The following MYO18B variants were observed in gnomAD, a reference collection of about 807,000 sequenced individuals.
MYO18B encodes the protein unconventional myosin-XVIIIb.
MYO18B carries 204 observed loss-of-function variants against 273.0 expected under a neutral mutation model. The observed-to-expected ratio is 0.75, with a 90% CI of 0.67 to 0.84. MYO18B has a LOEUF of 0.84. Ranked by LOEUF, MYO18B falls within the 40% of genes least tolerant of loss-of-function variation. MYO18B has a pLI of 0.00. For synonymous variants in MYO18B, 1,330 were observed against 1,305.7 expected, an observed-to-expected ratio of 1.02 and a Z score of -0.40; for missense variants, 3,212 against 3,287.6, an observed-to-expected ratio of 0.98 and a Z score of 0.56.
chr22:26,003,755 A>G (rs1192094077), intron 41 of MYO18B, among the ~76,000 whole-genome samples: 1 of 152,168 alleles, frequency 6.6e-6, no homozygotes, highest in Non-Finnish European at 1.5e-5. Context: ...CCTTCAAAGA[A>G]GATGTAGCTC....
chr22:25,775,728 G>A (rs536605289), intron 7 of MYO18B, among the ~76,000 whole-genome samples: 38 of 152,014 alleles, frequency 2.5e-4, no homozygotes, highest in Non-Finnish European at 5.6e-4. Flanking sequence ...TCCCTGACCT[G>A]TCCCTGTCAG....
intron 10 of MYO18B, among the ~76,000 whole-genome samples, chr22:25,782,521 G>A (rs990720179): frequency 5.3e-5 from 8 of 152,198 alleles, no homozygotes; most frequent in Non-Finnish European, 8.8e-5. Flanking sequence ...AATCTACAGG[G>A]CATCCTTAGG....
chr22:25,787,941 T>C (rs1199245918), intron 11 of MYO18B, among the ~76,000 whole-genome samples: 1 of 152,188 alleles, frequency 6.6e-6, no homozygotes, highest in Non-Finnish European at 1.5e-5. Flanking sequence ...TAGTTGTTTA[T>C]TTTCCTACTG....
intron 12 of MYO18B, among the ~76,000 whole-genome samples, chr22:25,801,821 C>T (rs550426902): frequency 5.9e-5 from 9 of 152,260 alleles, no homozygotes; most frequent in East Asian, 1.9e-4. Flanking sequence ...GAAACTGATG[C>T]GCAGCAGAGA....
Position 25,950,365 on chromosome 22 carries a change from A to G in MYO18B, c.5749-2A>G, listed in dbSNP as rs1601663811. ...TATACATTTTTTTTTTTGTCTCACC[A>G]GTCTGCTGCTGACATTGGGCAGATC... On this transcript the variant is annotated splice_acceptor_variant, in intron 36 of 43. Transcript: ENST00000335473. LOFTEE classifies it high-confidence loss of function. 1 of 1,592,882 alleles carries G rather than the reference A, an allele frequency of 6.3e-7. No homozygotes were observed. Among genetic ancestry groups the G allele is most frequent in the Non-Finnish European group, 8.5e-7 (1 of 1,169,858 alleles).
chr22:25,980,092 G>GT (rs1461284397), intron 39 of MYO18B, among the ~76,000 whole-genome samples: 5 of 152,136 alleles, frequency 3.3e-5, no homozygotes, highest in Admixed American at 2.0e-4. Context: ...CCAGGTTGTA[G>GT]TTTTTTCTCT....
At chr22:25,754,680 G>T (rs1007924494) in intron 1 of MYO18B, among the ~76,000 whole-genome samples, 1 of 152,178 alleles carries the variant, frequency 6.6e-6, no homozygotes, top group African/African-American at 2.4e-5. Flanking sequence ...TTTTGGGCCC[G>T]GACCGGAGTA....
intron 17 of MYO18B, among the ~76,000 whole-genome samples, chr22:25,843,191 C>G (rs1055549795): frequency 6.6e-6 from 1 of 152,116 alleles, no homozygotes; most frequent in African/African-American, 2.4e-5. Context: ...TTTTCTCCCA[C>G]CCTGTCTCTT....
At chr22:25,859,778 T>A (rs1213220046) in intron 21 of MYO18B, among the ~76,000 whole-genome samples, 1 of 152,250 alleles carries the variant, frequency 6.6e-6, no homozygotes, top group Admixed American at 6.5e-5. Context: ...CAGATGTATC[T>A]TTGAAAATAT....
At chr22:26,026,389 C>T in intron 42 of MYO18B, 56 bp from the exon 43 acceptor site, 1 of 1,545,628 alleles carries the variant, frequency 6.5e-7, no homozygotes, top group Non-Finnish European at 8.7e-7. Context: ...ACACCGATTG[C>T]ACAAATTGTA....
chr22:25,810,252 C>T (rs1383345353), intron 12 of MYO18B, among the ~76,000 whole-genome samples: 1 of 150,850 alleles, frequency 6.6e-6, no homozygotes, highest in Non-Finnish European at 1.5e-5. Context: ...CGCCCACCAC[C>T]ATGCCCAGAT....
chr22:25,910,364 A>G lies in MYO18B; in HGVS notation c.5260-582A>G, dbSNP rs536672629. 1.2e-4 allele frequency among the ~76,000 whole-genome samples: 19 copies of G among 152,224 alleles called. No individual in the cohort carries two copies. In the East Asian group the frequency reaches 3.5e-3, roughly 28 times the overall value. On this transcript the variant is annotated intron_variant, in intron 32 of 43. Coordinates refer to ENST00000335473, the MANE Select transcript of MYO18B (RefSeq NM_032608.7). ...TGGAAGACAGCTTTCTGGTGTCTTC[A>G]GGCACTCACCCCACCATGAAAGCTC...
chr22:25,821,174 G>A (rs959670987), intron 12 of MYO18B, among the ~76,000 whole-genome samples: 1 of 152,168 alleles, frequency 6.6e-6, no homozygotes, highest in Non-Finnish European at 1.5e-5. Flanking sequence ...ATTTCCTTGG[G>A]ATAAATGCCC....
chr22:25,778,742 T>A (rs1344040467), intron 8 of MYO18B, among the ~76,000 whole-genome samples: 1 of 152,140 alleles, frequency 6.6e-6, no homozygotes, highest in Non-Finnish European at 1.5e-5. Flanking sequence ...TCCACCCACC[T>A]TGGCCTTCAA....
At chr22:25,995,203 C>A (rs745933536) in intron 40 of MYO18B, among the ~76,000 whole-genome samples, 4 of 152,158 alleles carry the variant, frequency 2.6e-5, no homozygotes, top group South Asian at 4.2e-4. Context: ...AGAAACATCG[C>A]ATATTCTCAC....
chr22:25,908,483 A>G (rs553759207), intron 32 of MYO18B, 51 bp downstream of exon 32: 1 of 1,456,120 alleles, frequency 6.9e-7, no homozygotes, highest in East Asian at 2.5e-5. Context: ...CAGGTCTGGC[A>G]TGGATTCCCT....
chr22:25,924,601 C>T (rs1460421274), intron 34 of MYO18B, among the ~76,000 whole-genome samples: 1 of 152,056 alleles, frequency 6.6e-6, no homozygotes, highest in Non-Finnish European at 1.5e-5. Flanking sequence ...GCTAAAATAC[C>T]CTGGGAGAAG....
At chr22:25,945,591 G>A (rs2092694217) in intron 34 of MYO18B, among the ~76,000 whole-genome samples, 2 of 151,952 alleles carry the variant, frequency 1.3e-5, no homozygotes, top group African/African-American at 2.4e-5. Context: ...GAAGACATGA[G>A]GGCCGCCTGT....
At chr22:25,792,464 G>A (rs562456144) in intron 11 of MYO18B, among the ~76,000 whole-genome samples, 115 of 146,492 alleles carry the variant, frequency 7.9e-4, no homozygotes, top group African/African-American at 2.8e-3. Context: ...GCCTGTGCGG[G>A]CACCTATGTG....
Sources: gnomAD v4.1 joint callset for allele counts (sites outside exome capture counted in the v4.1 genomes callset) on GRCh38, gnomAD v4.1.1 for gene constraint, MANE v1.5 for transcripts, NCBI Gene and HGNC (gene_info 2026-07-23, HGNC 2026-07-21) for gene names.